Variants in CDK6 observed in about 807,000 individuals in gnomAD.
CDK6 encodes cyclin dependent kinase 6.
CDK6 carries 6 observed loss-of-function variants against 37.1 expected under a neutral mutation model. The ratio of observed to expected loss-of-function variants is 0.16; its 90% CI spans 0.09 to 0.32. CDK6 has a LOEUF of 0.32. Ranked by LOEUF, CDK6 falls within the 10% of genes least tolerant of loss-of-function variation. The pLI, the probability that CDK6 is intolerant of heterozygous loss-of-function variation, is 1.00. For missense variants in CDK6, 224 were observed against 418.9 expected (o/e 0.53, Z 4.06); for synonymous variants, 160 against 161.3 (o/e 0.99, Z 0.06).
At chr7:92,704,141 C>T (rs1343886975) in intron 4 of CDK6, among the ~76,000 whole-genome samples, 7 of 152,114 alleles carry the variant, frequency 4.6e-5, no homozygotes, top group African/African-American at 7.2e-5. Flanking sequence ...AATAGATTCC[C>T]GGTGTATCGC....
chr7:92,764,986 T>C (rs1037988400), intron 3 of CDK6, among the ~76,000 whole-genome samples: 2 of 152,174 alleles, frequency 1.3e-5, no homozygotes, highest in African/African-American at 2.4e-5. Context: ...TATGGGCATC[T>C]GAAATTTCTG....
intron 2 of CDK6, among the ~76,000 whole-genome samples, chr7:92,823,443 TAAAAAAAAAAA>T (rs34132527): frequency 2.7e-5 from 2 of 74,846 alleles, no homozygotes; most frequent in African/African-American, 5.0e-5. Context: ...TCTTAATATG[TAAAAAAAAAAA>T]AAAAAAAAAA....
At chr7:92,746,606 A>T (rs531534414) in intron 3 of CDK6, among the ~76,000 whole-genome samples, 8 of 152,300 alleles carry the variant, frequency 5.3e-5, no homozygotes, top group African/African-American at 1.9e-4. Context: ...AATATTCCAA[A>T]ATCTGAAAAA....
chr7:92,628,381 CA>C (rs60456286), intron 5 of CDK6, among the ~76,000 whole-genome samples: 132,755 of 152,062 alleles, frequency 0.87, 58,370 homozygotes, highest in East Asian at 1. Context: ...AATACTAAGG[CA>C]ACTCTATTAT....
intron 2 of CDK6, among the ~76,000 whole-genome samples, chr7:92,796,413 T>C (rs1258859154): frequency 6.6e-6 from 1 of 152,146 alleles, no homozygotes; most frequent in Admixed American, 6.6e-5. Context: ...ACTCTTAGTC[T>C]TTTAAATCAT....
At chr7:92,749,906 A>T (rs1197568950) in intron 3 of CDK6, among the ~76,000 whole-genome samples, 1 of 152,216 alleles carries the variant, frequency 6.6e-6, no homozygotes, top group Non-Finnish European at 1.5e-5. Flanking sequence ...AAATGATTAC[A>T]ATTCTTCATG....
chr7:92,627,538 T>C (rs1057192424), intron 5 of CDK6, among the ~76,000 whole-genome samples: 1 of 152,100 alleles, frequency 6.6e-6, no homozygotes, highest in African/African-American at 2.4e-5. Flanking sequence ...CTCCAGATAC[T>C]GGCTCTGACC....
intron 3 of CDK6, among the ~76,000 whole-genome samples, chr7:92,748,069 C>T (rs773318387): frequency 3.9e-5 from 6 of 152,128 alleles, no homozygotes; most frequent in Non-Finnish European, 2.9e-5. Context: ...TTTCAATACA[C>T]AATGGAAAAT....
rs535131653 is a variant in CDK6 at position 92,714,298 on chromosome 7, G to C, written c.537+11328C>G. Among the ~76,000 whole-genome samples the C allele has an allele frequency of 5.3e-4, 80 of 152,292 alleles. 1 individual carries two copies. The highest frequency in any genetic ancestry group is 9.1e-4 in the Non-Finnish European group (62 of 68,024). On this transcript the variant is annotated intron_variant, in intron 4 of 7. Transcript: ENST00000424848. ...GCAATCTAAGCAGAGAGAATGTTTA[G>C]TGACACGGAAGCATAAAATCTAATG... is the stretch of plus-strand genomic sequence containing the variant.
At chr7:92,767,064 A>G (rs537082000) in intron 3 of CDK6, among the ~76,000 whole-genome samples, 8 of 152,182 alleles carry the variant, frequency 5.3e-5, no homozygotes, top group Admixed American at 2.0e-4. Context: ...GCTGTCTCCA[A>G]CCTAAGTCCC....
At chr7:92,679,986 T>C (rs938872259) in intron 4 of CDK6, among the ~76,000 whole-genome samples, 2 of 151,976 alleles carry the variant, frequency 1.3e-5, no homozygotes, top group Admixed American at 1.3e-4. Context: ...CCTAAAGTGC[T>C]GGGATTACAG....
chr7:92,752,604 T>C (rs951941033), intron 3 of CDK6, among the ~76,000 whole-genome samples: 3 of 152,214 alleles, frequency 2.0e-5, no homozygotes, highest in African/African-American at 7.2e-5. Context: ...AACGTAAGTG[T>C]TTTCAATGAA....
intron 4 of CDK6, among the ~76,000 whole-genome samples, chr7:92,708,423 A>G (rs1472525066): frequency 6.6e-6 from 1 of 152,216 alleles, no homozygotes; most frequent in Non-Finnish European, 1.5e-5. Flanking sequence ...AAATTATGGT[A>G]TTTTGTGGCT....
intron 4 of CDK6, among the ~76,000 whole-genome samples, chr7:92,719,448 T>C (rs758660688): frequency 5.9e-5 from 9 of 152,234 alleles, no homozygotes; most frequent in Middle Eastern, 3.2e-3. Flanking sequence ...CATTTACTTG[T>C]TGTCTTTTTG....
chr7:92,803,600 T>C (rs866572706), intron 2 of CDK6, among the ~76,000 whole-genome samples: 1 of 151,908 alleles, frequency 6.6e-6, no homozygotes, highest in East Asian at 1.9e-4. Flanking sequence ...GTAAGACGGA[T>C]ACAGATCACG....
intron 2 of CDK6, among the ~76,000 whole-genome samples, chr7:92,825,490 A>G (rs1422835821): frequency 6.6e-6 from 1 of 151,438 alleles, no homozygotes; most frequent in Non-Finnish European, 1.5e-5. Context: ...ACACACCCCA[A>G]CCATATGTGT....
intron 4 of CDK6, 126 bp from the exon 5 acceptor site, chr7:92,671,661 C>T (rs1340628251): frequency 2.2e-6 from 1 of 458,010 alleles, no homozygotes; most frequent in Non-Finnish European, 3.9e-6. Flanking sequence ...TATAAGGACA[C>T]TGCGCTAGAA....
chr7:92,623,432 C>T (rs1422477127), intron 5 of CDK6, among the ~76,000 whole-genome samples: 2 of 152,164 alleles, frequency 1.3e-5, no homozygotes, highest in South Asian at 2.1e-4. Context: ...ATCCTAGTCT[C>T]GAACCATAAA....
intron 1 of CDK6, 97 bp downstream of exon 1, chr7:92,836,381 C>T (rs539385510): frequency 6.6e-6 from 1 of 150,394 alleles, no homozygotes; most frequent in Non-Finnish European, 1.5e-5. Context: ...TCCACTTACC[C>T]CACCCACAGT....
Sources: allele counts gnomAD v4.1 joint callset (sites outside exome capture counted in the v4.1 genomes callset), GRCh38; gene constraint gnomAD v4.1.1; transcripts MANE v1.5; gene names NCBI Gene and HGNC (gene_info 2026-07-23, HGNC 2026-07-21).